The following GPHN variants were observed in gnomAD, a reference collection of about 807,000 sequenced individuals.
GPHN encodes gephyrin.
A neutral mutation model predicts 95.5 loss-of-function variants in GPHN; 17 were observed. The ratio of observed to expected loss-of-function variants is 0.18; its 90% CI spans 0.12 to 0.27. The LOEUF (loss-of-function observed/expected upper bound fraction) is 0.27, where lower values mean the gene tolerates loss of function less well. GPHN is among the 10% of genes least tolerant of loss of function. The probability of loss-of-function intolerance (pLI) is 1.00; values close to 1 mark genes in which losing one functional copy is unlikely to be tolerated. For synonymous variants in GPHN, 320 were observed against 322.5 expected, an observed-to-expected ratio of 0.99 and a Z score of 0.08; for missense variants, 660 against 978.1, an observed-to-expected ratio of 0.67 and a Z score of 4.34.
the GPHN span, among the ~76,000 whole-genome samples, chr14:67,417,708 G>C: frequency 6.6e-6 from 1 of 151,942 alleles, no homozygotes; most frequent in Non-Finnish European, 1.5e-5. Context: ...TGGGGTTATA[G>C]GCATGAGCCA....
chr14:67,081,102 T>C (rs1483377520), intron 11 of GPHN, among the ~76,000 whole-genome samples: 2 of 152,242 alleles, frequency 1.3e-5, no homozygotes, highest in Non-Finnish European at 2.9e-5. Context: ...GTATAATTAC[T>C]TCTTTTCCTC....
the GPHN span, chr14:67,563,027 A>T: frequency 1.1e-6 from 1 of 881,030 alleles, no homozygotes; most frequent in South Asian, 1.8e-5. Flanking sequence ...GGCAGGTACC[A>T]TGGAGCCTGT....
chr14:67,137,535 G>A (rs1320561769), intron 17 of GPHN, among the ~76,000 whole-genome samples: 1 of 152,064 alleles, frequency 6.6e-6, no homozygotes, highest in Admixed American at 6.5e-5. Flanking sequence ...AGGCTGAGGC[G>A]GGCAGATCTC....
intron 2 of GPHN, among the ~76,000 whole-genome samples, chr14:66,731,780 C>T (rs1262506119): frequency 1.3e-5 from 2 of 152,178 alleles, no homozygotes; most frequent in Admixed American, 6.5e-5. Context: ...GGCCACCCCT[C>T]CCATCACAGG....
intron 4 of GPHN, among the ~76,000 whole-genome samples, chr14:66,844,239 G>GT (rs1224065989): frequency 6.6e-6 from 1 of 151,888 alleles, no homozygotes; most frequent in Non-Finnish European, 1.5e-5. Context: ...CTCTTTTCTT[G>GT]TATGTTGGGT....
chr14:66,885,479 G>C (rs1031920001), intron 5 of GPHN, among the ~76,000 whole-genome samples: 2 of 152,076 alleles, frequency 1.3e-5, no homozygotes, highest in African/African-American at 4.8e-5. Flanking sequence ...GTAGAAGACA[G>C]AATGGGTAAT....
intron 4 of GPHN, among the ~76,000 whole-genome samples, chr14:66,844,525 G>A (rs1446535701): frequency 1.3e-5 from 2 of 151,992 alleles, no homozygotes; most frequent in Non-Finnish European, 2.9e-5. Context: ...CATTGTGCTC[G>A]AAGTGTGGAA....
the GPHN span, among the ~76,000 whole-genome samples, chr14:67,232,099 G>A: frequency 4.6e-5 from 7 of 152,106 alleles, no homozygotes; most frequent in Non-Finnish European, 1.0e-4. Flanking sequence ...GGAGCCTATT[G>A]CTTCCTTTGG....
At chr14:66,640,887 G>C (rs1298224140) in intron 1 of GPHN, among the ~76,000 whole-genome samples, 7 of 152,084 alleles carry the variant, frequency 4.6e-5, no homozygotes, top group Non-Finnish European at 7.4e-5. Flanking sequence ...TTCTTCCTCT[G>C]TTTTGTCCTA....
intron 2 of GPHN, among the ~76,000 whole-genome samples, chr14:66,706,938 T>A (rs1342679706): frequency 6.6e-6 from 1 of 151,860 alleles, no homozygotes; most frequent in Non-Finnish European, 1.5e-5. Flanking sequence ...ATATCCAGAA[T>A]TCATAAGGAA....
the GPHN span, chr14:67,349,205 T>C: frequency 2.7e-6 from 3 of 1,130,388 alleles, no homozygotes; most frequent in Non-Finnish European, 3.8e-6. Flanking sequence ...AAGAGTGAGA[T>C]GTCACAATTA....
At chr14:66,612,964 T>A (rs1467101989) in intron 1 of GPHN, among the ~76,000 whole-genome samples, 1 of 152,148 alleles carries the variant, frequency 6.6e-6, no homozygotes, top group Non-Finnish European at 1.5e-5. Context: ...ACTTTTTGAT[T>A]ATTTTCAGTT....
the GPHN span, among the ~76,000 whole-genome samples, chr14:67,697,009 A>G: frequency 6.6e-6 from 1 of 152,218 alleles, no homozygotes; most frequent in East Asian, 1.9e-4. Context: ...GTTACCTAAT[A>G]TTTGTATTGG....
At chr14:67,075,661 AAAG>A (rs1439098480) in intron 11 of GPHN, among the ~76,000 whole-genome samples, 1 of 152,172 alleles carries the variant, frequency 6.6e-6, no homozygotes, top group Non-Finnish European at 1.5e-5. Context: ...CAGGAGTTGA[AAAG>A]AAGTTGATTC....
At chr14:66,557,744 G>C (rs1248138108) in intron 1 of GPHN, among the ~76,000 whole-genome samples, 1 of 152,052 alleles carries the variant, frequency 6.6e-6, no homozygotes, top group Non-Finnish European at 1.5e-5. Context: ...GCTTAAATGT[G>C]GTTAAACAAG....
intron 1 of GPHN, among the ~76,000 whole-genome samples, chr14:66,557,646 GT>G (rs2060061251): frequency 6.6e-6 from 1 of 152,058 alleles, no homozygotes; most frequent in Non-Finnish European, 1.5e-5. Context: ...GAGCCTTCAT[GT>G]TTTCTCATGA....
At chr14:67,517,757 A>C in the GPHN span, among the ~76,000 whole-genome samples, 1 of 152,184 alleles carries the variant, frequency 6.6e-6, no homozygotes, top group Non-Finnish European at 1.5e-5. Flanking sequence ...TGGGTAGGAC[A>C]GCTATTTTTA....
intron 11 of GPHN, among the ~76,000 whole-genome samples, chr14:67,070,715 A>AAAAAAAAAAAAAAATATATATAT: frequency 3.2e-4 from 26 of 80,672 alleles, no homozygotes; most frequent in Middle Eastern, 5.6e-3. Flanking sequence ...AAAAAAAAAA[A>AAAAAAAAAAAAAAATATATATAT]ATATATATAT....
At chr14:67,126,844 C>G (rs181720685) in intron 17 of GPHN, among the ~76,000 whole-genome samples, 7,778 of 151,446 alleles carry the variant, frequency 0.051, 213 homozygotes, top group Middle Eastern at 0.068. Context: ...TTGGAACCAA[C>G]CCAAATGTCC....
Sources: allele counts gnomAD v4.1 joint callset (sites outside exome capture counted in the v4.1 genomes callset), GRCh38; gene constraint gnomAD v4.1.1; transcripts MANE v1.5; gene names NCBI Gene and HGNC (gene_info 2026-07-23, HGNC 2026-07-21).